Variants in XYLT1 observed in about 807,000 individuals in gnomAD.
The protein encoded by XYLT1 is xylosyltransferase 1.
XYLT1 carries 36 observed loss-of-function variants against 91.3 expected under a neutral mutation model. The observed-to-expected ratio is 0.39, with a 90% confidence interval of 0.30 to 0.52. The LOEUF (loss-of-function observed/expected upper bound fraction) is 0.52, where lower values mean the gene tolerates loss of function less well. Ranked by LOEUF, XYLT1 falls within the 20% of genes least tolerant of loss-of-function variation. The probability of loss-of-function intolerance (pLI) is 0.68; values close to 1 mark genes in which losing one functional copy is unlikely to be tolerated. For missense variants in XYLT1, 1,242 were observed against 1,284.5 expected, an observed-to-expected ratio of 0.97 and a Z score of 0.51; for synonymous variants, 588 against 532.0, an observed-to-expected ratio of 1.11 and a Z score of -1.45.
chr16:17,416,293 AAG>A (rs1342739557), intron 1 of XYLT1, among the ~76,000 whole-genome samples: 2 of 152,248 alleles, frequency 1.3e-5, no homozygotes, highest in Non-Finnish European at 2.9e-5. Context: ...CAGGGACAAA[AAG>A]AAGCCTGTGC....
At chr16:17,362,018 G>A (rs908361989) in intron 1 of XYLT1, among the ~76,000 whole-genome samples, 23 of 152,180 alleles carry the variant, frequency 1.5e-4, no homozygotes, top group Non-Finnish European at 2.6e-4. Flanking sequence ...CTGATGACCA[G>A]AGAGACTGGT....
intron 3 of XYLT1, among the ~76,000 whole-genome samples, chr16:17,239,055 C>A (rs534372449): frequency 6.6e-6 from 1 of 152,346 alleles, no homozygotes; most frequent in East Asian, 1.9e-4. Context: ...CAACAGACTG[C>A]CAAATTCTGC....
intron 2 of XYLT1, among the ~76,000 whole-genome samples, chr16:17,284,316 C>T (rs575099122): frequency 1.2e-4 from 18 of 152,162 alleles, no homozygotes; most frequent in Non-Finnish European, 2.1e-4. Context: ...CACTGGAGCA[C>T]CTTCTAGGCA....
chr16:17,255,794 G>A (rs541439308), intron 3 of XYLT1, among the ~76,000 whole-genome samples: 1 of 152,052 alleles, frequency 6.6e-6, no homozygotes, highest in Non-Finnish European at 1.5e-5. Context: ...GATCATTTGA[G>A]GTCAGGAGTT....
chr16:17,291,274 G>A (rs559225280), intron 2 of XYLT1, among the ~76,000 whole-genome samples: 4 of 152,290 alleles, frequency 2.6e-5, no homozygotes, highest in Non-Finnish European at 5.9e-5. Context: ...CAAACTGCTG[G>A]GTGTGGGTGT....
chr16:17,103,336 T>G lies in XYLT1; in HGVS notation c.*5359A>C, dbSNP rs1183898294. 1.3e-5 allele frequency: 2 copies of G among 152,460 alleles called. No individual in the cohort carries two copies. Among genetic ancestry groups the G allele is most frequent in the African/African-American group, 4.8e-5 (2 of 41,362 alleles). The allele number at this position is 152,460 out of a possible 1,614,324, so 9.4% of individuals were successfully genotyped here. A position where few individuals can be genotyped will look rare whatever the true frequency, so the allele number is the denominator to read the frequency against. On this transcript the variant is annotated 3_prime_UTR_variant, in exon 12 of 12. Transcript: ENST00000261381. Reference sequence around the variant, plus strand: ...ATGCTCTGAGAGAGTGCTTCAGGAGTTGGCTGAGCTTTAGATGAGCACCCA... The same window carrying G: ...ATGCTCTGAGAGAGTGCTTCAGGAGGTGGCTGAGCTTTAGATGAGCACCCA...
At chr16:17,359,262 G>A (rs2035348511) in intron 1 of XYLT1, among the ~76,000 whole-genome samples, 1 of 152,210 alleles carries the variant, frequency 6.6e-6, no homozygotes, top group Non-Finnish European at 1.5e-5. Flanking sequence ...GCTTTGCTTT[G>A]TCTTAGCAGA....
chr16:17,309,607 G>T (rs1434807854), intron 2 of XYLT1, among the ~76,000 whole-genome samples: 1 of 152,126 alleles, frequency 6.6e-6, no homozygotes, highest in African/African-American at 2.4e-5. Flanking sequence ...TGTTAAGAGG[G>T]GAAATTTTCC....
chr16:17,400,110 A>G (rs185515315), intron 1 of XYLT1, among the ~76,000 whole-genome samples: 36 of 152,340 alleles, frequency 2.4e-4, no homozygotes, highest in Admixed American at 1.4e-3. Context: ...TGGCAACAGC[A>G]GCTTTCTCAG....
intron 3 of XYLT1, among the ~76,000 whole-genome samples, chr16:17,225,036 C>A (rs2033037492): frequency 6.6e-6 from 1 of 152,028 alleles, no homozygotes; most frequent in South Asian, 2.1e-4. Context: ...CTATCATTTG[C>A]CAGTCCCTGG....
At chr16:17,161,421 G>T (rs574896307) in intron 5 of XYLT1, among the ~76,000 whole-genome samples, 1 of 152,020 alleles carries the variant, frequency 6.6e-6, no homozygotes, top group East Asian at 1.9e-4. Flanking sequence ...AGGGTGGGGC[G>T]GGGGGACCCC....
chr16:17,113,567 T>G (rs1177030041), intron 11 of XYLT1, among the ~76,000 whole-genome samples: 1 of 152,168 alleles, frequency 6.6e-6, no homozygotes, highest in African/African-American at 2.4e-5. Context: ...TCTGGCCTCC[T>G]CCTGTCCCCC....
intron 1 of XYLT1, among the ~76,000 whole-genome samples, chr16:17,436,173 C>A (rs1457082404): frequency 6.6e-6 from 1 of 152,178 alleles, no homozygotes; most frequent in Admixed American, 6.5e-5. Context: ...GATTGTGCGG[C>A]CTCCCCAGCC....
chr16:17,405,182 C>T (rs2036016817), intron 1 of XYLT1, among the ~76,000 whole-genome samples: 1 of 152,184 alleles, frequency 6.6e-6, no homozygotes, highest in African/African-American at 2.4e-5. Context: ...ATGAATGTGG[C>T]GCTTGTCAGC....
At chr16:17,174,638 G>A (rs1447008592) in intron 5 of XYLT1, among the ~76,000 whole-genome samples, 4 of 152,192 alleles carry the variant, frequency 2.6e-5, no homozygotes, top group Non-Finnish European at 5.9e-5. Flanking sequence ...AATGAGGAGT[G>A]ACTGCTTAAT....
chr16:17,231,480 C>T (rs930246374), intron 3 of XYLT1, among the ~76,000 whole-genome samples: 2 of 152,196 alleles, frequency 1.3e-5, no homozygotes, highest in African/African-American at 4.8e-5. Flanking sequence ...GCCTTCATTT[C>T]TCTAAGCCTC....
chr16:17,382,219 T>C (rs1018812202), intron 1 of XYLT1, among the ~76,000 whole-genome samples: 5 of 151,890 alleles, frequency 3.3e-5, no homozygotes, highest in Admixed American at 1.3e-4. Flanking sequence ...TCCATCTTTC[T>C]GGGGTGGAAA....
At chr16:17,123,194 C>G (rs1337510922) in intron 10 of XYLT1, among the ~76,000 whole-genome samples, 1 of 152,180 alleles carries the variant, frequency 6.6e-6, no homozygotes, top group East Asian at 1.9e-4. Context: ...AATATTGATT[C>G]TACCCATCCA....
chr16:17,455,161 C>T (rs1044851200), intron 1 of XYLT1, among the ~76,000 whole-genome samples: 2 of 152,106 alleles, frequency 1.3e-5, no homozygotes, highest in African/African-American at 4.8e-5. Context: ...CCTATCCTTG[C>T]AGGCATGGGG....
Sources: gnomAD v4.1 joint callset for allele counts (sites outside exome capture counted in the v4.1 genomes callset) on GRCh38, gnomAD v4.1.1 for gene constraint, MANE v1.5 for transcripts, NCBI Gene and HGNC (gene_info 2026-07-23, HGNC 2026-07-21) for gene names.